The following CSMD3 variants were observed in gnomAD, a reference collection of about 807,000 sequenced individuals.
CSMD3 encodes CUB and Sushi multiple domains 3, also known as CUB and sushi domain-containing protein 3.
In CSMD3, 177 loss-of-function variants were observed where a neutral mutation model predicts 435.2. The observed-to-expected ratio is 0.41, with a 90% confidence interval of 0.36 to 0.46. CSMD3 has a LOEUF of 0.46. CSMD3 is among the 20% of genes least tolerant of loss of function. The pLI is 0.34. For missense variants in CSMD3, 4,265 were observed against 4,504.6 expected, an observed-to-expected ratio of 0.95 and a Z score of 1.52; for synonymous variants, 1,656 against 1,520.5, an observed-to-expected ratio of 1.09 and a Z score of -2.07.
intron 6 of CSMD3, among the ~76,000 whole-genome samples, chr8:112,988,296 C>T (rs1408475531): frequency 1.3e-5 from 2 of 152,014 alleles, no homozygotes; most frequent in East Asian, 1.9e-4. Context: ...AACAAAGTAA[C>T]ACTTCTTGCC....
At chr8:113,323,978 C>T (rs1288550554) in intron 1 of CSMD3, among the ~76,000 whole-genome samples, 1 of 152,104 alleles carries the variant, frequency 6.6e-6, no homozygotes, top group East Asian at 1.9e-4. Flanking sequence ...CAGTCTTTGA[C>T]ATGGTTTGGC....
At chr8:112,507,347 C>T (rs1822639501) in intron 28 of CSMD3, among the ~76,000 whole-genome samples, 1 of 152,130 alleles carries the variant, frequency 6.6e-6, no homozygotes, top group African/African-American at 2.4e-5. Context: ...GTCAGTGAAA[C>T]TCAGAGAATA....
At chr8:112,681,252 T>C (rs1316556158) in intron 16 of CSMD3, among the ~76,000 whole-genome samples, 1 of 151,426 alleles carries the variant, frequency 6.6e-6, no homozygotes, top group Non-Finnish European at 1.5e-5. Flanking sequence ...CGGGGTTTCA[T>C]CATGTTGGCC....
At position 113,328,735 on chromosome 8, in the gene CSMD3, C is replaced by CTTTTTTTTTTTTTTTTTTTTTTT; in HGVS notation, c.179-13965_179-13943dup. ...CTTTCTTTCTTTCCTTCCTTCTTTT[C>CTTTTTTTTTTTTTTTTTTTTTTT]TTTTTTTTTTTTTTTTTTTTTTTTG... On this transcript the variant is annotated intron_variant, in intron 1 of 70. Coordinates refer to ENST00000297405, the MANE Select transcript of CSMD3 (RefSeq NM_198123.2). Among the ~76,000 whole-genome samples, 50 of 57,194 alleles carry CTTTTTTTTTTTTTTTTTTTTTTT rather than the reference C, an allele frequency of 8.7e-4. 5 individuals carry two copies. Among genetic ancestry groups the CTTTTTTTTTTTTTTTTTTTTTTT allele is most frequent in the East Asian group, 5.7e-3 (6 of 1,058 alleles). The allele number at this position is 57,194 out of a possible 152,430, so 37.5% of individuals were successfully genotyped here. A position where few individuals can be genotyped will look rare whatever the true frequency, so the allele number is the denominator to read the frequency against.
chr8:112,500,807 C>T (rs1052822186), intron 30 of CSMD3, among the ~76,000 whole-genome samples: 1 of 152,076 alleles, frequency 6.6e-6, no homozygotes, highest in Non-Finnish European at 1.5e-5. Context: ...CTAGGCATGT[C>T]CAAAATGGGG....
chr8:113,274,346 G>A (rs908324708), intron 3 of CSMD3, among the ~76,000 whole-genome samples: 1 of 152,096 alleles, frequency 6.6e-6, no homozygotes, highest in African/African-American at 2.4e-5. Context: ...AGTAGAGACT[G>A]TATAACTCAT....
chr8:112,450,453 T>C (rs563532423), intron 32 of CSMD3, among the ~76,000 whole-genome samples: 1 of 152,358 alleles, frequency 6.6e-6, no homozygotes, highest in East Asian at 1.9e-4. Context: ...TGCATTTGCT[T>C]GCTAAAATTA....
rs1434436452 is a variant in CSMD3, at chr8:112,682,485, C to T, written c.2634G>A (p.Met878Ile). ...GTCCACTCCACATTACTTTTCCATC[C>T]ATAAGAATACATGTAATTGTTTCTG... ...QGTETITCIL[M>I]DGKVMWSGLI... is the part of the protein sequence containing the mutation. The change falls in exon 16 of 71, where the codon ATG becomes ATA. Residue 878 changes from methionine to isoleucine, a missense_variant. By Grantham distance (10) the Met-to-Ile change is conservative. Transcript: ENST00000297405. 6.2e-7 allele frequency: 1 copy of T among 1,613,080 alleles called. No homozygotes were observed.
intron 24 of CSMD3, among the ~76,000 whole-genome samples, chr8:112,561,657 C>T (rs1207283947): frequency 2.0e-5 from 3 of 151,442 alleles, no homozygotes; most frequent in African/African-American, 7.3e-5. Context: ...TGTACTCCTC[C>T]CCAGTCTTTC....
chr8:113,283,194 A>G (rs1297122216), intron 2 of CSMD3, among the ~76,000 whole-genome samples: 1 of 152,136 alleles, frequency 6.6e-6, no homozygotes, highest in Non-Finnish European at 1.5e-5. Context: ...CATGACCAAG[A>G]ACCCAAAAGC....
intron 3 of CSMD3, among the ~76,000 whole-genome samples, chr8:113,241,655 G>A (rs1290788630): frequency 1.3e-5 from 2 of 151,212 alleles, no homozygotes; most frequent in African/African-American, 2.4e-5. Context: ...CAAAATGGCA[G>A]TGTGGAAGTA....
chr8:112,985,239 T>C (rs568415036), intron 6 of CSMD3, among the ~76,000 whole-genome samples: 80 of 152,122 alleles, frequency 5.3e-4, no homozygotes, highest in African/African-American at 1.8e-3. Flanking sequence ...AGATTTTCCC[T>C]GATACATGAG....
At chr8:113,183,178 C>G (rs1219211438) in intron 3 of CSMD3, among the ~76,000 whole-genome samples, 1 of 151,986 alleles carries the variant, frequency 6.6e-6, no homozygotes, top group African/African-American at 2.4e-5. Context: ...TGTCCACATT[C>G]TCTGTGGTAA....
At chr8:112,275,226 G>T (rs943465484) in intron 59 of CSMD3, among the ~76,000 whole-genome samples, 5 of 151,974 alleles carry the variant, frequency 3.3e-5, no homozygotes, top group African/African-American at 1.2e-4. Context: ...TGATAAAGAC[G>T]TACCTGAGAC....
rs532657001 is a variant in CSMD3, at chr8:112,966,164, C to T, written c.1342+9673G>A. Among the ~76,000 whole-genome samples the T allele has an allele frequency of 1.1e-4, 16 of 151,514 alleles. No homozygotes were observed. In the South Asian group the frequency reaches 3.1e-3, roughly 29 times the overall value. ...ATTCACTTTACCAATGTCAAAGTTC[C>T]GACATCCAAAATAAATAAATAAAAT... On this transcript the variant is annotated intron_variant, in intron 7 of 70. Coordinates refer to ENST00000297405, the MANE Select transcript of CSMD3 (RefSeq NM_198123.2).
intron 13 of CSMD3, among the ~76,000 whole-genome samples, chr8:112,774,692 A>G (rs2078203906): frequency 6.6e-6 from 1 of 151,930 alleles, no homozygotes; most frequent in Non-Finnish European, 1.5e-5. Flanking sequence ...GAGACAATTC[A>G]TTTTGTCTTT....
chr8:113,353,459 A>G (rs912213816), intron 1 of CSMD3, among the ~76,000 whole-genome samples: 1 of 152,198 alleles, frequency 6.6e-6, no homozygotes, highest in Non-Finnish European at 1.5e-5. Context: ...GTAATTATAT[A>G]CAACACTGAA....
intron 4 of CSMD3, among the ~76,000 whole-genome samples, chr8:113,161,102 G>A (rs997555990): frequency 6.6e-6 from 1 of 152,058 alleles, no homozygotes; most frequent in African/African-American, 2.4e-5. Flanking sequence ...CCTTGATAAT[G>A]GGAATTTTAG....
At chr8:112,443,788 G>A (rs1815299744) in intron 32 of CSMD3, among the ~76,000 whole-genome samples, 1 of 151,826 alleles carries the variant, frequency 6.6e-6, no homozygotes, top group Non-Finnish European at 1.5e-5. Flanking sequence ...AAAATGCCTG[G>A]CCCTTAATAT....
Sources: gnomAD v4.1 joint callset for allele counts (sites outside exome capture counted in the v4.1 genomes callset) on GRCh38, gnomAD v4.1.1 for gene constraint, MANE v1.5 for transcripts, NCBI Gene and HGNC (gene_info 2026-07-23, HGNC 2026-07-21) for gene names.